Variants in RALYL observed in about 807,000 individuals in gnomAD.
The protein encoded by RALYL is RNA-binding Raly-like protein.
A neutral mutation model predicts 35.1 loss-of-function variants in RALYL; 29 were observed. The ratio of observed to expected loss-of-function variants is 0.83; its 90% CI spans 0.61 to 1.13. The LOEUF (loss-of-function observed/expected upper bound fraction) is 1.13. RALYL is among the 50% of genes most tolerant of loss of function. RALYL has a pLI of 0.00. For missense variants in RALYL, 359 were observed against 360.4 expected (o/e 1.00, Z 0.03); for synonymous variants, 120 against 127.6 (o/e 0.94, Z 0.40).
intron 1 of RALYL, among the ~76,000 whole-genome samples, chr8:84,244,954 A>G (rs1380696208): frequency 1.3e-5 from 2 of 152,160 alleles, no homozygotes; most frequent in East Asian, 3.9e-4. Flanking sequence ...ATTAAGGCAT[A>G]GAAGGGAGAG....
intron 1 of RALYL, among the ~76,000 whole-genome samples, chr8:84,411,881 G>A (rs2044137928): frequency 1.3e-5 from 2 of 151,898 alleles, no homozygotes; most frequent in African/African-American, 4.8e-5. Flanking sequence ...TGTCACCTTT[G>A]CCACTTACAA....
intron 1 of RALYL, among the ~76,000 whole-genome samples, 198 bp from the exon 2 acceptor site, chr8:84,529,101 A>G (rs1030794472): frequency 2.6e-5 from 4 of 152,186 alleles, no homozygotes; most frequent in Non-Finnish European, 4.4e-5. Context: ...TGTTTTTTCT[A>G]CTGTATTTAG....
chr8:84,601,378 T>C (rs560596682), intron 2 of RALYL, among the ~76,000 whole-genome samples: 165 of 151,888 alleles, frequency 1.1e-3, no homozygotes, highest in African/African-American at 3.8e-3. Context: ...AAAGAGAAAA[T>C]CAAAAATGTA....
At chr8:84,680,092 C>T (rs544277244) in intron 2 of RALYL, among the ~76,000 whole-genome samples, 23 of 151,882 alleles carry the variant, frequency 1.5e-4, no homozygotes, top group African/African-American at 3.6e-4. Context: ...TGAGTGAGAA[C>T]ATGCGGTGTT....
intron 2 of RALYL, among the ~76,000 whole-genome samples, chr8:84,756,164 C>T (rs947406753): frequency 6.6e-6 from 1 of 151,856 alleles, no homozygotes; most frequent in Non-Finnish European, 1.5e-5. Context: ...TTCTCATCCC[C>T]CCCAAAAAAA....
intron 1 of RALYL, among the ~76,000 whole-genome samples, chr8:84,287,705 A>G (rs1211134491): frequency 6.6e-6 from 1 of 152,226 alleles, no homozygotes; most frequent in African/African-American, 2.4e-5. Context: ...AGATGATGAT[A>G]GAAATATTCA....
At chr8:84,409,171 G>T (rs1019025575) in intron 1 of RALYL, among the ~76,000 whole-genome samples, 1 of 151,576 alleles carries the variant, frequency 6.6e-6, no homozygotes, top group Non-Finnish European at 1.5e-5. Context: ...ATATTTTAAC[G>T]TTTGAAAGTA....
At chr8:84,501,903 T>A (rs1368525807) in intron 1 of RALYL, among the ~76,000 whole-genome samples, 1 of 151,160 alleles carries the variant, frequency 6.6e-6, no homozygotes, top group Non-Finnish European at 1.5e-5. Context: ...GGGATCTATA[T>A]TAAAAATCAT....
intron 4 of RALYL, among the ~76,000 whole-genome samples, chr8:84,822,103 T>C (rs182599584): frequency 6.6e-6 from 1 of 152,322 alleles, no homozygotes; most frequent in East Asian, 1.9e-4. Flanking sequence ...TGTTGAGACA[T>C]TTCTTCCAGA....
chr8:84,647,994 T>C (rs963691797), intron 2 of RALYL, among the ~76,000 whole-genome samples: 1 of 152,042 alleles, frequency 6.6e-6, no homozygotes, highest in Non-Finnish European at 1.5e-5. Context: ...TATACAGTAG[T>C]AGGTAATGGG....
intron 1 of RALYL, among the ~76,000 whole-genome samples, chr8:84,449,078 GTTTTTTTT>G: frequency 8.0e-6 from 1 of 124,274 alleles, no homozygotes; most frequent in African/African-American, 2.8e-5. Context: ...TAGTTTTTTT[GTTTTTTTT>G]TTTTTTTTGC....
chr8:84,702,981 A>C (rs966719433), intron 2 of RALYL, among the ~76,000 whole-genome samples: 2 of 152,150 alleles, frequency 1.3e-5, no homozygotes, highest in Non-Finnish European at 2.9e-5. Context: ...GGATTCTTGA[A>C]GAGGGCAGGA....
At chr8:84,740,532 C>A (rs929332324) in intron 2 of RALYL, among the ~76,000 whole-genome samples, 1 of 151,948 alleles carries the variant, frequency 6.6e-6, no homozygotes, top group Non-Finnish European at 1.5e-5. Context: ...GGTAAGAATA[C>A]TTAACATGGA....
chr8:84,887,771 G>A lies in RALYL; in HGVS notation c.853G>A (p.Glu285Lys), dbSNP rs1843154954. ...GGACTTCGATGAAGATGGGGGTCATGAGCTGGTAGGAAAGAAACATTTGGT... is the reference window on the plus strand; with the variant it reads ...GGACTTCGATGAAGATGGGGGTCATAAGCTGGTAGGAAAGAAACATTTGGT... ...EEDFDEDGGH[E>K]LFLQIK Residue 285 changes from glutamate (E) to lysine (K), a missense_variant, in exon 8 of 9, where the codon GAG (glutamate) becomes AAG (lysine). By Grantham distance (56) the Glu-to-Lys change is moderately conservative. Transcript: ENST00000521268. The A allele has an allele frequency of 6.2e-7, 1 of 1,611,340 alleles. No individual in the cohort carries two copies. Among genetic ancestry groups the A allele is most frequent in the Non-Finnish European group, 8.5e-7 (1 of 1,178,896 alleles).
chr8:84,678,245 G>GT (rs745913845), intron 2 of RALYL, among the ~76,000 whole-genome samples: 5 of 151,460 alleles, frequency 3.3e-5, no homozygotes, highest in Admixed American at 2.0e-4. Flanking sequence ...TGCAAGTATA[G>GT]TTTTTTTGTT....
chr8:84,249,254 T>A (rs961128278), intron 1 of RALYL, among the ~76,000 whole-genome samples: 12 of 152,096 alleles, frequency 7.9e-5, no homozygotes, highest in Non-Finnish European at 1.0e-4. Flanking sequence ...GTTATTTATG[T>A]TGTTCCTTTT....
At chr8:84,818,570 A>T (rs1271069255) in intron 4 of RALYL, among the ~76,000 whole-genome samples, 2 of 152,206 alleles carry the variant, frequency 1.3e-5, no homozygotes, top group East Asian at 3.9e-4. Flanking sequence ...TCAGGAAAAG[A>T]CAAAAGATAA....
At chr8:84,560,038 G>A (rs948114180) in intron 2 of RALYL, among the ~76,000 whole-genome samples, 9 of 150,968 alleles carry the variant, frequency 6.0e-5, no homozygotes, top group Admixed American at 2.0e-4. Context: ...AAAAATGAAC[G>A]TATTGGAAGA....
chr8:84,800,821 G>T (rs1286687876), intron 3 of RALYL, among the ~76,000 whole-genome samples: 1 of 151,610 alleles, frequency 6.6e-6, no homozygotes, highest in African/African-American at 2.4e-5. Context: ...CATTTTTCAG[G>T]ACCAACACTA....
Sources: gnomAD v4.1 joint callset for allele counts (sites outside exome capture counted in the v4.1 genomes callset) on GRCh38, gnomAD v4.1.1 for gene constraint, MANE v1.5 for transcripts, NCBI Gene and HGNC (gene_info 2026-07-23, HGNC 2026-07-21) for gene names.